CDH18: variants seen among roughly 807,000 people sequenced by gnomAD.
CDH18 encodes cadherin-18.
A neutral mutation model predicts 67.9 loss-of-function variants in CDH18; 31 were observed. The ratio of observed to expected loss-of-function variants is 0.46; its 90% CI spans 0.34 to 0.62. The LOEUF (loss-of-function observed/expected upper bound fraction) is 0.62. CDH18 is among the 20% of genes least tolerant of loss of function. The pLI is 0.01. For synonymous variants in CDH18, 362 were observed against 347.2 expected (o/e 1.04, Z -0.48); for missense variants, 890 against 975.5 (o/e 0.91, Z 1.17).
intron 3 of CDH18, among the ~76,000 whole-genome samples, chr5:19,795,498 A>G (rs1397132751): frequency 3.9e-5 from 6 of 152,180 alleles, no homozygotes; most frequent in African/African-American, 1.4e-4. Context: ...AGATAAACTT[A>G]GTAAGACTGA....
intron 2 of CDH18, among the ~76,000 whole-genome samples, chr5:20,188,810 G>T: frequency 7.5e-6 from 1 of 132,832 alleles, no homozygotes. Context: ...TATTCTTATT[G>T]TGGCAAAAAA....
chr5:20,141,737 T>A (rs1350199321), intron 2 of CDH18, among the ~76,000 whole-genome samples: 2 of 152,042 alleles, frequency 1.3e-5, no homozygotes, highest in Non-Finnish European at 2.9e-5. Context: ...GGGAAAGAGT[T>A]ATTATAGTAA....
intron 1 of CDH18, among the ~76,000 whole-genome samples, chr5:20,379,727 C>G (rs1013513668): frequency 4.0e-4 from 60 of 151,446 alleles, no homozygotes; most frequent in African/African-American, 1.5e-3. Context: ...AGCATGTAGC[C>G]ATTAAAGATC....
intron 3 of CDH18, among the ~76,000 whole-genome samples, chr5:19,797,555 A>C (rs1030117382): frequency 2.6e-5 from 4 of 152,166 alleles, no homozygotes; most frequent in East Asian, 1.9e-4. Context: ...ATGAATATTC[A>C]AAAACTGAAA....
chr5:19,654,489 T>C (rs9292710), intron 5 of CDH18, among the ~76,000 whole-genome samples: 6,937 of 152,180 alleles, frequency 0.046, 499 homozygotes, highest in African/African-American at 0.16. Flanking sequence ...CGCTGTGCAT[T>C]CAAACCCCTT....
intron 7 of CDH18, among the ~76,000 whole-genome samples, chr5:19,588,069 C>T (rs1744483523): frequency 6.6e-6 from 1 of 151,988 alleles, no homozygotes; most frequent in Admixed American, 6.6e-5. Flanking sequence ...AGAGTTCATT[C>T]ATGATTTGTT....
intron 2 of CDH18, among the ~76,000 whole-genome samples, chr5:19,938,610 G>A (rs1031938974): frequency 8.6e-5 from 13 of 151,258 alleles, no homozygotes; most frequent in Non-Finnish European, 1.3e-4. Context: ...TCAATGTCAT[G>A]GCTAACTTTG....
intron 2 of CDH18, among the ~76,000 whole-genome samples, chr5:19,973,482 A>T (rs1798219042): frequency 1.3e-5 from 2 of 152,144 alleles, no homozygotes; most frequent in Admixed American, 6.6e-5. Flanking sequence ...TTGGAAATCC[A>T]AAGGTAAGTG....
At chr5:19,674,604 G>C (rs1759213350) in intron 5 of CDH18, among the ~76,000 whole-genome samples, 2 of 151,890 alleles carry the variant, frequency 1.3e-5, no homozygotes, top group Non-Finnish European at 2.9e-5. Context: ...ACATACAACA[G>C]GGCATAAAAA....
intron 7 of CDH18, among the ~76,000 whole-genome samples, chr5:19,576,962 A>T (rs1307878061): frequency 6.6e-6 from 1 of 152,228 alleles, no homozygotes; most frequent in East Asian, 1.9e-4. Flanking sequence ...AACGTAGAGA[A>T]CATTATGTTT....
intron 3 of CDH18, among the ~76,000 whole-genome samples, chr5:19,805,205 C>G (rs1015393644): frequency 4.6e-5 from 7 of 152,240 alleles, no homozygotes; most frequent in African/African-American, 1.7e-4. Context: ...GCCTCAGCCT[C>G]CCAAAGTATT....
Position 19,623,185 on chromosome 5 carries a change from A to G in CDH18, c.644-10584T>C, listed in dbSNP as rs377356805. On this transcript the variant is annotated intron_variant, in intron 5 of 12. Coordinates refer to ENST00000382275, the MANE Select transcript of CDH18 (RefSeq NM_004934.5). The stretch of plus-strand genomic sequence containing the variant: ...GTAAGCATATTTCATGAGTTCAGGT[A>G]TATGTTGTATTTAGAGGATAAGCAA... 4.6e-5 allele frequency among the ~76,000 whole-genome samples: 7 copies of G among 152,326 alleles called. No homozygotes were observed. In the East Asian group the frequency reaches 5.8e-4, roughly 13 times the overall value.
chr5:19,532,864 T>G (rs1480811191), intron 9 of CDH18, among the ~76,000 whole-genome samples: 1 of 152,186 alleles, frequency 6.6e-6, no homozygotes, highest in African/African-American at 2.4e-5. Flanking sequence ...GCATGGTTTA[T>G]ATGAGCAATC....
chr5:20,215,225 TTACTCAAAC>T (rs1409874870), intron 2 of CDH18, among the ~76,000 whole-genome samples: 1 of 151,900 alleles, frequency 6.6e-6, no homozygotes, highest in African/African-American at 2.4e-5. Context: ...TAATGGCCTA[TTACTCAAAC>T]AATTTGAGCA....
chr5:20,061,769 G>C (rs1002013986), intron 2 of CDH18, among the ~76,000 whole-genome samples: 7 of 152,134 alleles, frequency 4.6e-5, no homozygotes, highest in Non-Finnish European at 7.4e-5. Context: ...CCATAGCATT[G>C]CTTTAATAAG....
chr5:20,183,964 A>G (rs1235845448), intron 2 of CDH18, among the ~76,000 whole-genome samples: 2 of 152,120 alleles, frequency 1.3e-5, no homozygotes, highest in African/African-American at 2.4e-5. Context: ...AGAATGACTT[A>G]CACGAAAATA....
At chr5:20,570,385 T>C (rs1758745521) in intron 1 of CDH18, among the ~76,000 whole-genome samples, 1 of 152,120 alleles carries the variant, frequency 6.6e-6, no homozygotes, top group Non-Finnish European at 1.5e-5. Context: ...CCATAGCTGT[T>C]TGAAACCCAT....
At chr5:20,515,193 G>A (rs1384787088) in intron 1 of CDH18, among the ~76,000 whole-genome samples, 1 of 151,600 alleles carries the variant, frequency 6.6e-6, no homozygotes, top group Non-Finnish European at 1.5e-5. Flanking sequence ...AAATGAGTGA[G>A]TGAATTCTTC....
At chr5:19,547,445 G>A (rs560478287) in intron 8 of CDH18, among the ~76,000 whole-genome samples, 1 of 152,286 alleles carries the variant, frequency 6.6e-6, no homozygotes, top group South Asian at 2.1e-4. Flanking sequence ...ATGAAATATG[G>A]CAGAGCATGT....
Sources: allele counts gnomAD v4.1 joint callset (sites outside exome capture counted in the v4.1 genomes callset), GRCh38; gene constraint gnomAD v4.1.1; transcripts MANE v1.5; gene names NCBI Gene and HGNC (gene_info 2026-07-23, HGNC 2026-07-21).